CCL24: variants seen among roughly 807,000 people sequenced by gnomAD.
CCL24 encodes the protein C-C motif chemokine ligand 24.
Under a neutral mutation model 8.6 loss-of-function variants are expected in CCL24, and 6 were observed. The observed-to-expected ratio is 0.70, with a 90% CI of 0.38 to 1.38. CCL24 has a LOEUF of 1.38. Ranked by LOEUF, CCL24 falls within the 40% of genes most tolerant of loss-of-function variation. The probability of loss-of-function intolerance (pLI) is 0.02; values close to 1 mark genes in which losing one functional copy is unlikely to be tolerated. For synonymous variants in CCL24, 59 were observed against 52.7 expected, an observed-to-expected ratio of 1.12 and a Z score of -0.52; for missense variants, 126 against 147.1, an observed-to-expected ratio of 0.86 and a Z score of 0.74.
chr7:75,818,752 T>G (rs1563353067), upstream of CCL24, among the ~76,000 whole-genome samples: 1 of 151,906 alleles, frequency 6.6e-6, no homozygotes, highest in Non-Finnish European at 1.5e-5. Context: ...TTAGAACCCC[T>G]GATGGCTCCA....
chr7:75,821,517 G>A (rs1554535081), intron 1 of CCL24, among the ~76,000 whole-genome samples: 1 of 152,294 alleles, frequency 6.6e-6, no homozygotes, highest in Non-Finnish European at 1.5e-5. Context: ...AAACTTGAGT[G>A]CATGTGTTGG....
At chr7:75,816,802 T>C (rs1563352132), upstream of CCL24, among the ~76,000 whole-genome samples, 1 of 142,976 alleles carries the variant, frequency 7.0e-6, no homozygotes, top group East Asian at 2.1e-4. Flanking sequence ...CCTCAGGTAA[T>C]CCACCCACCT....
upstream of CCL24, among the ~76,000 whole-genome samples, chr7:75,815,936 C>T (rs746140062): frequency 2.6e-5 from 4 of 152,154 alleles, no homozygotes; most frequent in Non-Finnish European, 5.9e-5. Flanking sequence ...TCCAACACTC[C>T]CATACCCAAC....
At chr7:75,820,184 TCTCCTTCTCCTTC>T (rs1804016088) in intron 1 of CCL24, among the ~76,000 whole-genome samples, 1 of 147,180 alleles carries the variant, frequency 6.8e-6, no homozygotes, top group Non-Finnish European at 1.5e-5. Context: ...TCCTTCTCCT[TCTCCTTCTCCTTC>T]TTTTTTTGAG....
chr7:75,817,462 C>T (rs1234102016), upstream of CCL24, among the ~76,000 whole-genome samples: 1 of 151,596 alleles, frequency 6.6e-6, no homozygotes, highest in African/African-American at 2.4e-5. Context: ...TTAGTAATAC[C>T]CATTAAGGGC....
chr7:75,811,792 G>A lies in CCL24; in HGVS notation c.*4C>T. ...AAACTCAGGGCTGGAGGGCTGGGCG[G>A]GGATTAGCAGGTGGTTTGGTTGCCA... On this transcript the variant is annotated 3_prime_UTR_variant, in exon 3 of 3. Transcript: ENST00000222902. 1 of 1,612,566 alleles carries A rather than the reference G, an allele frequency of 6.2e-7. No homozygotes were observed. The highest frequency in any genetic ancestry group is 2.2e-5 in the East Asian group (1 of 44,792).
At chr7:75,815,840 T>C (rs1803878662), upstream of CCL24, among the ~76,000 whole-genome samples, 2 of 152,154 alleles carry the variant, frequency 1.3e-5, no homozygotes, top group African/African-American at 2.4e-5. Context: ...GAGGTAACAA[T>C]TGGTCAGCTG....
At chr7:75,817,963 T>C (rs1803927866), upstream of CCL24, among the ~76,000 whole-genome samples, 1 of 152,066 alleles carries the variant, frequency 6.6e-6, no homozygotes, top group African/African-American at 2.4e-5. Context: ...CCCGAGTAGC[T>C]GGGATTACAG....
chr7:75,820,238 G>A (rs1206487766), intron 1 of CCL24, among the ~76,000 whole-genome samples: 2 of 150,684 alleles, frequency 1.3e-5, no homozygotes, highest in African/African-American at 4.9e-5. Context: ...CCAGGCAACA[G>A]CACAATCTCG....
intron 2 of CCL24, among the ~76,000 whole-genome samples, chr7:75,813,011 G>A (rs1431602613): frequency 1.3e-5 from 2 of 152,092 alleles, no homozygotes; most frequent in Non-Finnish European, 2.9e-5. Flanking sequence ...GCTGAGATGG[G>A]AGGATCACTT....
chr7:75,820,015 A>ACAACTT (rs1803990810), intron 1 of CCL24, among the ~76,000 whole-genome samples: 1 of 84,386 alleles, frequency 1.2e-5, no homozygotes, highest in Non-Finnish European at 2.7e-5. Context: ...CTTTTAGTAA[A>ACAACTT]CTACTTCTTC....
chr7:75,820,344 A>G (rs1366131534), intron 1 of CCL24, among the ~76,000 whole-genome samples: 1 of 151,798 alleles, frequency 6.6e-6, no homozygotes, highest in Non-Finnish European at 1.5e-5. Context: ...ACACCCAGCT[A>G]ATTTTTTTGT....
rs1212625006 is a variant in CCL24 at position 75,820,130 on chromosome 7, TCTC to T, written c.-60+3189_-60+3191del. 1.8e-3 allele frequency among the ~76,000 whole-genome samples: 143 copies of T among 81,412 alleles called. 5 individuals carry two copies. Among genetic ancestry groups the T allele is most frequent in the Non-Finnish European group, 3.2e-3 (104 of 32,658 alleles). The allele number at this position is 81,412 out of a possible 152,430, so 53.4% of individuals were successfully genotyped here. A position where few individuals can be genotyped will look rare whatever the true frequency, so the allele number is the denominator to read the frequency against. On this transcript the variant is annotated intron_variant, in intron 1 of 3. Coordinates refer to the CCL24 transcript ENST00000416943. Reference sequence around the variant, plus strand: ...TCCTTCTTCTTCTTCTTCTTCTTCTTCTCCTCCTCCTCCTCCTCCTCCTTCTCC... The same window carrying T: ...TCCTTCTTCTTCTTCTTCTTCTTCTTCTCCTCCTCCTCCTCCTCCTTCTCC...
chr7:75,816,417 A>T (rs1554534143), upstream of CCL24, among the ~76,000 whole-genome samples: 1 of 152,050 alleles, frequency 6.6e-6, no homozygotes, highest in African/African-American at 2.4e-5. Flanking sequence ...TTAGCCTGGC[A>T]CCTGCCCCTG....
At chr7:75,818,612 T>TA (rs547441183), upstream of CCL24, among the ~76,000 whole-genome samples, 17,366 of 121,660 alleles carry the variant, frequency 0.14, 1,218 homozygotes, top group Non-Finnish European at 0.18. Flanking sequence ...CCGGACTCTT[T>TA]AAAAAAAAAA....
intron 1 of CCL24, among the ~76,000 whole-genome samples, chr7:75,821,920 T>C (rs1585032752): frequency 7.6e-6 from 1 of 132,354 alleles, no homozygotes. Flanking sequence ...AGAGCGAGAC[T>C]CCGTCTCAAA....
rs150379974 is a variant in CCL24 at position 75,819,193 on chromosome 7, G to A, written c.-60+4129C>T. 7.8e-3 allele frequency among the ~76,000 whole-genome samples: 1,045 copies of A among 133,672 alleles called. 7 individuals are homozygous for A. The highest frequency in any genetic ancestry group is 0.013 in the Non-Finnish European group (825 of 64,270). The allele number at this position is 133,672 out of a possible 152,430, so 87.7% of individuals were successfully genotyped here. A position where few individuals can be genotyped will look rare whatever the true frequency, so the allele number is the denominator to read the frequency against. On this transcript the variant is annotated intron_variant, in intron 1 of 3. Coordinates refer to the CCL24 transcript ENST00000416943. ...TGAGGCACAAGAATCTCTTGAACCTGGGAGGCAGAGGTTGTGGTAAGTGGA... is the reference window on the plus strand; with the variant it reads ...TGAGGCACAAGAATCTCTTGAACCTAGGAGGCAGAGGTTGTGGTAAGTGGA...
chr7:75,811,967 G>A lies in CCL24; in HGVS notation c.192-3C>T. The A allele has an allele frequency of 6.2e-7, 1 of 1,610,286 alleles. No individual in the cohort carries two copies. The highest frequency in any genetic ancestry group is 8.5e-7 in the Non-Finnish European group (1 of 1,179,398). On this transcript the variant is annotated splice_region_variant and splice_polypyrimidine_tract_variant and intron_variant, in intron 2 of 2. Transcript: ENST00000222902. ...GCTGGCCCTTCTTGGTGGTGAAGCT[G>A]TGGAAGAAAGGGACAGGGGATCAGC... is the stretch of plus-strand genomic sequence containing the variant.
Position 75,811,721 on chromosome 7 carries a change from T to G in CCL24, c.*75A>C. ...GAAAATTAGCTCTTCCCCCCATCAC[T>G]GTGGCTTCTCCAGGCCCCGAGTAGC... On this transcript the variant is annotated 3_prime_UTR_variant, in exon 3 of 3. Transcript: ENST00000222902. 7.4e-7 allele frequency: 1 copy of G among 1,349,754 alleles called. No individual in the cohort carries two copies. Among genetic ancestry groups the G allele is most frequent in the Non-Finnish European group, 1.0e-6 (1 of 978,582 alleles). The allele number at this position is 1,349,754 out of a possible 1,614,324, so 83.6% of individuals were successfully genotyped here.
Sources: allele counts gnomAD v4.1 joint callset (sites outside exome capture counted in the v4.1 genomes callset), GRCh38; gene constraint gnomAD v4.1.1; transcripts MANE v1.5; gene names NCBI Gene and HGNC (gene_info 2026-07-23, HGNC 2026-07-21).